Variants in TANC2 observed in about 807,000 individuals in gnomAD.
TANC2 encodes the protein tetratricopeptide repeat, ankyrin repeat and coiled-coil containing 2.
Under a neutral mutation model 210.5 loss-of-function variants are expected in TANC2, and 26 were observed. The ratio of observed to expected loss-of-function variants is 0.12; its 90% CI spans 0.09 to 0.17. The LOEUF (loss-of-function observed/expected upper bound fraction) is 0.17. TANC2 is among the 10% of genes least tolerant of loss of function. The pLI is 1.00. For synonymous variants in TANC2, 931 were observed against 967.1 expected (o/e 0.96, Z 0.69); for missense variants, 2,129 against 2,608.9 (o/e 0.82, Z 4.01).
intron 3 of TANC2, among the ~76,000 whole-genome samples, chr17:63,074,466 A>G (rs1036198016): frequency 2.6e-5 from 4 of 152,084 alleles, no homozygotes; most frequent in African/African-American, 7.2e-5. Flanking sequence ...AAAATTTATT[A>G]TCATAGGCCT....
At chr17:63,149,369 A>G (rs1399347735) in intron 4 of TANC2, 3 of 151,942 alleles carry the variant, frequency 2.0e-5, no homozygotes, top group Non-Finnish European at 4.4e-5. Flanking sequence ...ACCTCCCTTA[A>G]GTTCTCCTGC....
chr17:63,182,385 A>T, intron 5 of TANC2: 1 of 235,554 alleles, frequency 4.2e-6, no homozygotes, highest in Non-Finnish European at 8.7e-6. Flanking sequence ...AATATGGCAG[A>T]GAAATTAAAT....
At chr17:63,310,818 A>G (rs924498315) in intron 9 of TANC2, among the ~76,000 whole-genome samples, 3 of 152,244 alleles carry the variant, frequency 2.0e-5, no homozygotes, top group Admixed American at 2.0e-4. Context: ...TGAGAGGGAT[A>G]TGGTCATTTT....
rs114535522 is a variant in TANC2, at chr17:62,983,873, A to G, written c.-24+17124A>G. On this transcript the variant is annotated intron_variant, in intron 1 of 27. Transcript: ENST00000689528. ...GTGTTACTGGATTTGGTTTGTTAGT[A>G]TTTTGTTGAGAAGTTTTGCTTCTAT... 8.2e-3 allele frequency among the ~76,000 whole-genome samples: 1,245 copies of G among 152,050 alleles called. 28 individuals are homozygous for G. The highest frequency in any genetic ancestry group is 0.029 in the African/African-American group (1,202 of 41,470).
At chr17:63,072,242 AAAG>A (rs2036422165) in intron 2 of TANC2, among the ~76,000 whole-genome samples, 1 of 152,130 alleles carries the variant, frequency 6.6e-6, no homozygotes, top group Middle Eastern at 3.2e-3. Context: ...GCCTTATTAA[AAAG>A]AATCCATATT....
At chr17:63,237,380 A>G (rs2042649989) in intron 7 of TANC2, among the ~76,000 whole-genome samples, 1 of 152,090 alleles carries the variant, frequency 6.6e-6, no homozygotes, top group Non-Finnish European at 1.5e-5. Flanking sequence ...GTCCTGTCAG[A>G]TGTATAGTTT....
chr17:63,083,337 C>T (rs1332487713), intron 3 of TANC2, among the ~76,000 whole-genome samples: 1 of 152,208 alleles, frequency 6.6e-6, no homozygotes, highest in East Asian at 1.9e-4. Flanking sequence ...GACCACAACT[C>T]CTGGGATAAG....
intron 3 of TANC2, among the ~76,000 whole-genome samples, chr17:63,079,994 G>T (rs1331005576): frequency 6.6e-6 from 1 of 152,124 alleles, no homozygotes; most frequent in African/African-American, 2.4e-5. Context: ...TATGACTGCC[G>T]CAGGTTAGGT....
intron 11 of TANC2, among the ~76,000 whole-genome samples, chr17:63,336,943 A>G (rs1210261399): frequency 6.6e-6 from 1 of 152,146 alleles, no homozygotes; most frequent in Non-Finnish European, 1.5e-5. Context: ...GTGATCTAAT[A>G]TCTCTTACCA....
chr17:63,043,732 T>C (rs2035277027), intron 2 of TANC2, among the ~76,000 whole-genome samples: 1 of 152,174 alleles, frequency 6.6e-6, no homozygotes, highest in Non-Finnish European at 1.5e-5. Flanking sequence ...AAAATTGCTT[T>C]AACTGATGTT....
At chr17:63,340,146 T>C in exon 12 of TANC2, 4 of 1,613,974 alleles carry the variant, frequency 2.5e-6, no homozygotes, top group Non-Finnish European at 3.4e-6. Context: ...CTACACTTGC[T>C]TGGTGCCAGA....
intron 15 of TANC2, among the ~76,000 whole-genome samples, chr17:63,382,400 G>A (rs995236794): frequency 2.0e-5 from 3 of 152,096 alleles, no homozygotes; most frequent in Admixed American, 6.5e-5. Flanking sequence ...TACCAAGTGT[G>A]ACTTCCTTTA....
At chr17:62,989,697 A>G (rs2032755919) in intron 1 of TANC2, among the ~76,000 whole-genome samples, 3 of 151,646 alleles carry the variant, frequency 2.0e-5, no homozygotes, top group African/African-American at 7.3e-5. Flanking sequence ...GGCTGTGGTC[A>G]TTGATGGAGC....
intron 14 of TANC2, among the ~76,000 whole-genome samples, chr17:63,372,246 C>A (rs2147026685): frequency 6.6e-6 from 1 of 152,298 alleles, no homozygotes; most frequent in South Asian, 2.1e-4. Context: ...TGTCCTTACC[C>A]TCCCCTCTGC....
Position 63,001,764 on chromosome 17 carries a change from T to TCTTG in TANC2, c.-23-7772_-23-7769dup, listed in dbSNP as rs577499624. Among the ~76,000 whole-genome samples the TCTTG allele has an allele frequency of 1.8e-4, 27 of 152,194 alleles. No individual in the cohort carries two copies. The South Asian group carries it at 5.2e-3, about 29-fold the overall frequency. On this transcript the variant is annotated intron_variant, in intron 1 of 27. Transcript: ENST00000689528. ...GGTTTCACCACATTGGCCAGGCTGG[T>TCTTG]CTTGAACTGCTGACCTCAAGTGATC...
At chr17:63,135,440 A>G in intron 4 of TANC2, among the ~76,000 whole-genome samples, 1 of 152,202 alleles carries the variant, frequency 6.6e-6, no homozygotes, top group East Asian at 1.9e-4. Flanking sequence ...TAAAATGTTG[A>G]TCAGTGAATT....
chr17:63,341,775 C>G (rs760920476), intron 12 of TANC2, among the ~76,000 whole-genome samples: 4 of 152,216 alleles, frequency 2.6e-5, no homozygotes, highest in Non-Finnish European at 5.9e-5. Flanking sequence ...CTTCTCTGAT[C>G]ACATAATTCC....
At chr17:63,064,286 T>C (rs2036113799) in intron 2 of TANC2, among the ~76,000 whole-genome samples, 1 of 152,036 alleles carries the variant, frequency 6.6e-6, no homozygotes, top group Non-Finnish European at 1.5e-5. Context: ...TGAAACCCTG[T>C]TCTTTACAAA....
At chr17:63,059,804 TG>T (rs559896783) in intron 2 of TANC2, among the ~76,000 whole-genome samples, 47 of 152,254 alleles carry the variant, frequency 3.1e-4, no homozygotes, top group Non-Finnish European at 6.5e-4. Flanking sequence ...TCCTTACTAT[TG>T]GGGATGTCAG....
Sources: allele counts gnomAD v4.1 joint callset (sites outside exome capture counted in the v4.1 genomes callset), GRCh38; gene constraint gnomAD v4.1.1; transcripts MANE v1.5; gene names NCBI Gene and HGNC (gene_info 2026-07-23, HGNC 2026-07-21).